CAB39L: variants seen among roughly 807,000 people sequenced by gnomAD.
The protein encoded by CAB39L is calcium-binding protein 39-like.
A neutral mutation model predicts 39.1 loss-of-function variants in CAB39L; 23 were observed. The observed-to-expected ratio is 0.59, with a 90% confidence interval of 0.42 to 0.83. The LOEUF (loss-of-function observed/expected upper bound fraction) is 0.83. Ranked by LOEUF, CAB39L falls within the 40% of genes least tolerant of loss-of-function variation. The probability of loss-of-function intolerance (pLI) is 0.00; values close to 1 mark genes in which losing one functional copy is unlikely to be tolerated. For synonymous variants in CAB39L, 126 were observed against 137.2 expected, an observed-to-expected ratio of 0.92 and a Z score of 0.57; for missense variants, 366 against 391.9, an observed-to-expected ratio of 0.93 and a Z score of 0.56.
At chr13:49,433,497 C>T (rs1957359350) in intron 2 of CAB39L, 104 bp from the exon 3 acceptor site, 1 of 380,572 alleles carries the variant, frequency 2.6e-6, no homozygotes, top group Non-Finnish European at 5.1e-6. Flanking sequence ...ATTAAATTTC[C>T]ATCATAATCA....
At chr13:49,406,643 TAA>T (rs954339258) in intron 3 of CAB39L, among the ~76,000 whole-genome samples, 97 of 152,124 alleles carry the variant, frequency 6.4e-4, no homozygotes, top group African/African-American at 2.2e-3. Context: ...TTTTGAAAAT[TAA>T]AAAGACAACA....
chr13:49,364,967 C>T (rs895886207), intron 5 of CAB39L, among the ~76,000 whole-genome samples: 1 of 152,040 alleles, frequency 6.6e-6, no homozygotes, highest in African/African-American at 2.4e-5. Flanking sequence ...CATGGAACCA[C>T]AAAAAACCCA....
At chr13:49,371,688 C>G (rs903475920) in intron 5 of CAB39L, among the ~76,000 whole-genome samples, 2 of 152,064 alleles carry the variant, frequency 1.3e-5, no homozygotes, top group African/African-American at 4.8e-5. Context: ...CCTCAACCAC[C>G]TGGGCCCAGG....
chr13:49,317,158 A>G (rs1260604870), intron 10 of CAB39L, among the ~76,000 whole-genome samples: 2 of 152,222 alleles, frequency 1.3e-5, no homozygotes, highest in Admixed American at 6.5e-5. Context: ...TTAGCAGAAT[A>G]TAGGGAAACC....
At chr13:49,442,739 C>G (rs967741004) in intron 1 of CAB39L, among the ~76,000 whole-genome samples, 1 of 136,574 alleles carries the variant, frequency 7.3e-6, no homozygotes, top group Admixed American at 8.2e-5. Flanking sequence ...TGCAGTGAGC[C>G]GAGATTGCAC....
chr13:49,419,506 AG>A (rs1305460622), intron 3 of CAB39L, among the ~76,000 whole-genome samples: 2 of 152,182 alleles, frequency 1.3e-5, no homozygotes, highest in Non-Finnish European at 2.9e-5. Context: ...TGAGCCCGGG[AG>A]GTCAAGGCTG....
At chr13:49,396,723 A>C (rs1344811812) in intron 3 of CAB39L, among the ~76,000 whole-genome samples, 2 of 152,178 alleles carry the variant, frequency 1.3e-5, no homozygotes, top group Non-Finnish European at 2.9e-5. Context: ...AACAAAAAAA[A>C]AATTCAGAAA....
rs569503546 is a variant in CAB39L at position 49,417,840 on chromosome 13, T to C, written c.-32+15478A>G. Among the ~76,000 whole-genome samples the C allele has an allele frequency of 4.6e-5, 7 of 152,274 alleles. No individual in the cohort carries two copies. The South Asian group carries it at 1.5e-3, about 32-fold the overall frequency. On this transcript the variant is annotated intron_variant, in intron 3 of 10. Coordinates refer to ENST00000409308, the MANE Select transcript of CAB39L (RefSeq NM_001079670.3). ...GAGTTAAAAAAAACCCTGCAAGTCA[T>C]TATGCTAAATATTCAGAAAGTGAGA... is the stretch of plus-strand genomic sequence containing the variant.
At position 49,330,495 on chromosome 13, in the gene CAB39L, C is replaced by T. The variant is rs117184337; in HGVS notation, c.834+1452G>A. Reference sequence around the variant, plus strand: ...AAAAACTTAGCTGGGCGAGGTGGCACGTGTCTATAGTCCCAGCTACTTAGA... The same window carrying T: ...AAAAACTTAGCTGGGCGAGGTGGCATGTGTCTATAGTCCCAGCTACTTAGA... On this transcript the variant is annotated intron_variant, in intron 10 of 10. Transcript: ENST00000409308. Among the ~76,000 whole-genome samples, 824 of 152,006 alleles carry T rather than the reference C, an allele frequency of 5.4e-3. 14 individuals carry two copies. Among genetic ancestry groups the T allele is most frequent in the East Asian group, 0.046 (237 of 5,176 alleles).
chr13:49,373,802 C>T (rs931691446), intron 5 of CAB39L, among the ~76,000 whole-genome samples: 1 of 152,270 alleles, frequency 6.6e-6, no homozygotes, highest in Admixed American at 6.5e-5. Flanking sequence ...AACCAAGAGA[C>T]ATGGGGGTGG....
At chr13:49,376,668 C>T (rs1006770464) in intron 5 of CAB39L, among the ~76,000 whole-genome samples, 9 of 152,126 alleles carry the variant, frequency 5.9e-5, no homozygotes, top group African/African-American at 7.2e-5. Context: ...AAGAATTCAA[C>T]GAGTTGAATG....
In CAB39L at chr13:49,353,170, A is replaced by G. The variant is rs79223928; in HGVS notation, c.396-2258T>C. Among the ~76,000 whole-genome samples, 696 of 152,370 alleles carry G rather than the reference A, an allele frequency of 4.6e-3. 7 individuals are homozygous for G. Among genetic ancestry groups the G allele is most frequent in the African/African-American group, 0.016 (653 of 41,586 alleles). On this transcript the variant is annotated intron_variant, in intron 6 of 10. Coordinates refer to ENST00000409308, the MANE Select transcript of CAB39L (RefSeq NM_001079670.3). ...AGATAGTCATGATTCTTTGTAGAAT[A>G]TAAGGAATGCCAATTTATAGTGCTA...
At chr13:49,328,682 G>T (rs1954575102) in intron 10 of CAB39L, among the ~76,000 whole-genome samples, 1 of 151,988 alleles carries the variant, frequency 6.6e-6, no homozygotes, top group Admixed American at 6.6e-5. Flanking sequence ...AATAAAAATA[G>T]AATTAGTTGG....
intron 5 of CAB39L, among the ~76,000 whole-genome samples, chr13:49,367,810 T>C (rs994175632): frequency 2.6e-5 from 4 of 151,884 alleles, no homozygotes; most frequent in African/African-American, 4.8e-5. Flanking sequence ...CTCAGCTATT[T>C]GGGAGGCTTA....
intron 10 of CAB39L, among the ~76,000 whole-genome samples, chr13:49,311,919 G>C (rs1398992353): frequency 6.6e-6 from 1 of 151,940 alleles, no homozygotes; most frequent in African/African-American, 2.4e-5. Context: ...TTTGAGACAG[G>C]GTCTCGCTCT....
At chr13:49,423,169 C>T (rs371738890) in intron 3 of CAB39L, among the ~76,000 whole-genome samples, 3 of 152,098 alleles carry the variant, frequency 2.0e-5, no homozygotes, top group Non-Finnish European at 2.9e-5. Flanking sequence ...ATCACCTGGA[C>T]GGCAGGTGAA....
At chr13:49,369,138 C>T (rs932573698) in intron 5 of CAB39L, among the ~76,000 whole-genome samples, 1 of 152,158 alleles carries the variant, frequency 6.6e-6, no homozygotes, top group Non-Finnish European at 1.5e-5. Context: ...ATATCACAAA[C>T]CCTTATTAGA....
At chr13:49,325,233 CTTT>C (rs1954464099) in intron 10 of CAB39L, among the ~76,000 whole-genome samples, 1 of 152,244 alleles carries the variant, frequency 6.6e-6, no homozygotes, top group East Asian at 1.9e-4. Context: ...TCCTTGGCTT[CTTT>C]GTTAAATATG....
intron 5 of CAB39L, among the ~76,000 whole-genome samples, chr13:49,361,459 T>C (rs1258692459): frequency 2.0e-5 from 2 of 98,132 alleles, no homozygotes; most frequent in South Asian, 7.0e-4. Flanking sequence ...GCCCAGGCAA[T>C]GGAGCAAGAC....
Sources: gnomAD v4.1 joint callset for allele counts (sites outside exome capture counted in the v4.1 genomes callset) on GRCh38, gnomAD v4.1.1 for gene constraint, MANE v1.5 for transcripts, NCBI Gene and HGNC (gene_info 2026-07-23, HGNC 2026-07-21) for gene names.